Variants in DSCAM observed in about 807,000 individuals in gnomAD.
DSCAM encodes the protein cell adhesion molecule DSCAM.
Under a neutral mutation model 217.7 loss-of-function variants are expected in DSCAM, and 47 were observed. The observed-to-expected ratio is 0.22, with a 90% confidence interval of 0.17 to 0.28. The LOEUF is 0.28. Among genes scored for constraint, DSCAM ranks in the 10% least tolerant of loss-of-function variants. The pLI is 1.00. For missense variants in DSCAM, 2,080 were observed against 2,618.3 expected (o/e 0.79, Z 4.49); for synonymous variants, 1,056 against 1,015.3 (o/e 1.04, Z -0.76).
chr21:40,414,154 T>G (rs118001952), intron 3 of DSCAM, among the ~76,000 whole-genome samples: 4 of 152,158 alleles, frequency 2.6e-5, no homozygotes, highest in Non-Finnish European at 5.9e-5. Flanking sequence ...CTGAAAACCA[T>G]TGCTCTTCCA....
intron 32 of DSCAM, among the ~76,000 whole-genome samples, chr21:40,037,450 A>T (rs901392167): frequency 3.5e-5 from 5 of 143,536 alleles, no homozygotes; most frequent in African/African-American, 1.4e-4. Flanking sequence ...CTAGGAATCC[A>T]ACTTACAAGG....
intron 1 of DSCAM, among the ~76,000 whole-genome samples, chr21:40,713,222 C>G (rs2090802379): frequency 6.6e-6 from 1 of 152,118 alleles, no homozygotes; most frequent in African/African-American, 2.4e-5. Context: ...CCATATATGG[C>G]ACCAATGAAA....
intron 11 of DSCAM, among the ~76,000 whole-genome samples, chr21:40,229,445 A>G (rs1254881647): frequency 1.3e-5 from 2 of 152,196 alleles, no homozygotes; most frequent in Non-Finnish European, 2.9e-5. Context: ...TTACATATTC[A>G]TGGTTGCATT....
chr21:40,473,639 T>C (rs1279680452), intron 3 of DSCAM, among the ~76,000 whole-genome samples: 1 of 152,136 alleles, frequency 6.6e-6, no homozygotes, highest in African/African-American at 2.4e-5. Flanking sequence ...CTGCATGATG[T>C]CCCTCCAAAA....
chr21:40,760,464 T>G (rs1249446041), intron 1 of DSCAM, among the ~76,000 whole-genome samples: 1 of 152,168 alleles, frequency 6.6e-6, no homozygotes, highest in Non-Finnish European at 1.5e-5. Flanking sequence ...GTGGAATTTG[T>G]GTTTGATTCT....
At chr21:40,462,617 G>A (rs562231546) in intron 3 of DSCAM, among the ~76,000 whole-genome samples, 1 of 152,340 alleles carries the variant, frequency 6.6e-6, no homozygotes, top group Admixed American at 6.5e-5. Context: ...ATGCATGACA[G>A]TTTGAAAGCA....
chr21:40,471,112 C>T (rs7409798), intron 3 of DSCAM, among the ~76,000 whole-genome samples: 20,554 of 152,100 alleles, frequency 0.14, 1,518 homozygotes, highest in Middle Eastern at 0.2. Flanking sequence ...GATTCAGAAA[C>T]GGTAGCTTTC....
chr21:40,044,533 C>T (rs1185372045), intron 30 of DSCAM, among the ~76,000 whole-genome samples: 1 of 152,182 alleles, frequency 6.6e-6, no homozygotes, highest in Non-Finnish European at 1.5e-5. Flanking sequence ...ATATTTGAGT[C>T]TTGCTCTTGG....
intron 3 of DSCAM, among the ~76,000 whole-genome samples, chr21:40,392,109 G>T (rs185181098): frequency 6.6e-6 from 1 of 152,000 alleles, no homozygotes; most frequent in Non-Finnish European, 1.5e-5. Context: ...ACATATCCTC[G>T]TCTGGCATCC....
At chr21:40,276,307 C>A in intron 10 of DSCAM, 37 bp from the exon 11 acceptor site, 1 of 1,551,724 alleles carries the variant, frequency 6.4e-7, no homozygotes, top group South Asian at 1.2e-5. Context: ...ATGATGCAAA[C>A]GAGAGTAAGT....
chr21:40,554,579 A>G (rs1229853334), intron 3 of DSCAM, among the ~76,000 whole-genome samples: 1 of 152,206 alleles, frequency 6.6e-6, no homozygotes, highest in Non-Finnish European at 1.5e-5. Context: ...GAATATGAGT[A>G]ACAAATCTCA....
At chr21:40,771,614 A>G (rs553435250) in intron 1 of DSCAM, among the ~76,000 whole-genome samples, 137 of 152,356 alleles carry the variant, frequency 9.0e-4, no homozygotes, top group Non-Finnish European at 1.3e-3. Flanking sequence ...CCCTCTGGGC[A>G]TGGCTCATTT....
intron 3 of DSCAM, among the ~76,000 whole-genome samples, chr21:40,433,183 C>G (rs2075551400): frequency 6.6e-6 from 1 of 151,676 alleles, no homozygotes; most frequent in Non-Finnish European, 1.5e-5. Context: ...ACGGTGAAAC[C>G]CTGTCTCTAC....
chr21:40,067,473 A>C (rs533615197), intron 27 of DSCAM, among the ~76,000 whole-genome samples: 13 of 152,294 alleles, frequency 8.5e-5, no homozygotes, highest in Non-Finnish European at 1.8e-4. Flanking sequence ...CTAATTTTTT[A>C]AGTGGTGGAG....
In DSCAM at chr21:40,365,402, G is replaced by C. The variant is rs76097393; in HGVS notation, c.655+3697C>G. Among the ~76,000 whole-genome samples the C allele has an allele frequency of 8.2e-3, 1,244 of 152,192 alleles. 31 individuals are homozygous for C. The East Asian group carries it at 0.1, about 13-fold the overall frequency. ...TCAACTTTTAGACGCTTGGACCTTC[G>C]ACCACAGACTGAAGGGTGCACTGTT... On this transcript the variant is annotated intron_variant, in intron 4 of 32. Coordinates refer to ENST00000400454, the MANE Select transcript of DSCAM (RefSeq NM_001389.5).
intron 3 of DSCAM, among the ~76,000 whole-genome samples, chr21:40,375,307 T>C (rs1191243073): frequency 6.6e-6 from 1 of 152,238 alleles, no homozygotes; most frequent in Non-Finnish European, 1.5e-5. Flanking sequence ...TTTAGCAATA[T>C]ACATCATTTA....
chr21:40,421,306 G>C (rs2075421771), intron 3 of DSCAM, among the ~76,000 whole-genome samples: 1 of 152,190 alleles, frequency 6.6e-6, no homozygotes, highest in Non-Finnish European at 1.5e-5. Flanking sequence ...GTGAGACAGA[G>C]GAGAGAAACT....
At chr21:40,051,343 A>G (rs2088927394) in intron 30 of DSCAM, among the ~76,000 whole-genome samples, 1 of 152,218 alleles carries the variant, frequency 6.6e-6, no homozygotes, top group South Asian at 2.1e-4. Context: ...ATTTCCATAT[A>G]TTATGGATGC....
At chr21:40,407,476 T>C (rs758636601) in intron 3 of DSCAM, among the ~76,000 whole-genome samples, 3 of 152,206 alleles carry the variant, frequency 2.0e-5, no homozygotes, top group Non-Finnish European at 4.4e-5. Flanking sequence ...ATGCAGGTAA[T>C]GTCCTGGGAG....
Sources: allele counts gnomAD v4.1 joint callset (sites outside exome capture counted in the v4.1 genomes callset), GRCh38; gene constraint gnomAD v4.1.1; transcripts MANE v1.5; gene names NCBI Gene and HGNC (gene_info 2026-07-23, HGNC 2026-07-21).